The following ELK3 variants were observed in gnomAD, a reference collection of about 807,000 sequenced individuals.
ELK3 encodes ETS transcription factor ELK3, also known as ETS domain-containing protein Elk-3.
ELK3 carries 10 observed loss-of-function variants against 28.9 expected under a neutral mutation model. That is an observed-to-expected ratio of 0.35 (90% CI 0.21 to 0.59). ELK3 has a LOEUF of 0.59. ELK3 is among the 20% of genes least tolerant of loss of function. ELK3 has a pLI of 0.82. For missense variants in ELK3, 463 were observed against 517.3 expected (o/e 0.90, Z 1.02); for synonymous variants, 272 against 243.5 (o/e 1.12, Z -1.09).
chr12:96,249,544 C>T (rs1951887359), intron 3 of ELK3, among the ~76,000 whole-genome samples: 1 of 152,168 alleles, frequency 6.6e-6, no homozygotes, highest in African/African-American at 2.4e-5. Context: ...AGGGGAGTAT[C>T]TTGAGAGGCA....
chr12:96,215,312 A>G (rs1951604615), intron 1 of ELK3, among the ~76,000 whole-genome samples: 1 of 152,168 alleles, frequency 6.6e-6, no homozygotes, highest in African/African-American at 2.4e-5. Flanking sequence ...AAAACCTCAT[A>G]CTTTGCATAA....
At position 96,259,838 on chromosome 12, in the gene ELK3, A is replaced by G. The variant is rs887075440; in HGVS notation, c.1110A>G (p.Pro370=). 6 of 1,603,438 alleles carry G rather than the reference A, an allele frequency of 3.7e-6. No individual in the cohort carries two copies. Among genetic ancestry groups the G allele is most frequent in the Non-Finnish European group, 5.1e-6 (6 of 1,176,030 alleles). The change falls in exon 4 of 5, where the codon CCA becomes CCG. Residue 370 remains proline, a synonymous_variant. Transcript: ENST00000228741. ...APLSPARLQG[P]STLFQFPTLL... is the part of the protein sequence containing the mutation. Reference sequence around the variant, plus strand: ...TGAGTCCTGCCAGGCTGCAAGGGCCAAGCACGCTGTTCCAGGTGAGCGTTT... The same window carrying G: ...TGAGTCCTGCCAGGCTGCAAGGGCCGAGCACGCTGTTCCAGGTGAGCGTTT...
intron 3 of ELK3, among the ~76,000 whole-genome samples, chr12:96,255,100 G>A (rs1031047560): frequency 6.6e-6 from 1 of 152,138 alleles, no homozygotes; most frequent in Middle Eastern, 3.2e-3. Flanking sequence ...ATCTAAGGCT[G>A]TATGGTGGGA....
At chr12:96,239,217 C>T (rs1380840005) in intron 2 of ELK3, among the ~76,000 whole-genome samples, 1 of 152,092 alleles carries the variant, frequency 6.6e-6, no homozygotes, top group Non-Finnish European at 1.5e-5. Flanking sequence ...AATTTTTCTA[C>T]CTCCTTTTAT....
chr12:96,246,855 G>A (rs1951859672), intron 2 of ELK3, 85 bp from the exon 3 acceptor site: 2 of 1,396,044 alleles, frequency 1.4e-6, no homozygotes, highest in East Asian at 4.6e-5. Flanking sequence ...TGGTGCTTCT[G>A]CCAGCGACAT....
rs567919027 is a variant in ELK3, at chr12:96,205,376, G to A, written c.-3+10671G>A. On this transcript the variant is annotated intron_variant, in intron 1 of 4. Coordinates refer to ENST00000228741, the MANE Select transcript of ELK3 (RefSeq NM_005230.4). ...TGAAACCCTCTGGCAACTAGAATTC[G>A]TGAGCACTGGGAGGCAATTTATTTC... is the stretch of plus-strand genomic sequence containing the variant. Among the ~76,000 whole-genome samples, 16 of 152,288 alleles carry A rather than the reference G, an allele frequency of 1.1e-4. No individual in the cohort carries two copies. The South Asian group carries it at 2.9e-3, about 28-fold the overall frequency.
Position 96,247,322 on chromosome 12 carries a change from C to T in ELK3, c.590C>T (p.Pro197Leu), listed in dbSNP as rs376350812. Residue 197 changes from proline to leucine, a missense_variant, in exon 3 of 5, where the codon CCG becomes CTG. Coordinates refer to ENST00000228741, the MANE Select transcript of ELK3 (RefSeq NM_005230.4). The surrounding 1 kb of genome is among the most constrained non-coding windows in gnomAD (Gnocchi z 5.5). ...AAAACCGACAAGCACGTCACCAGGCCGGTGGTGTCCCTGCCTTCCACGTCA... is the reference window on the plus strand; with the variant it reads ...AAAACCGACAAGCACGTCACCAGGCTGGTGGTGTCCCTGCCTTCCACGTCA... Reference protein sequence around the residue: ...TNKTDKHVTRPVVSLPSTSEA... With the variant: ...TNKTDKHVTRLVVSLPSTSEA... 1.9e-5 allele frequency: 30 copies of T among 1,614,128 alleles called. No individual in the cohort carries two copies. The highest frequency in any genetic ancestry group is 6.7e-5 in the East Asian group (3 of 44,894).
chr12:96,233,101 G>A (rs1039963018), intron 2 of ELK3, among the ~76,000 whole-genome samples: 4 of 152,136 alleles, frequency 2.6e-5, no homozygotes, highest in African/African-American at 9.7e-5. Flanking sequence ...TTCTGGCCAG[G>A]TACCATGAAT....
chr12:96,267,032 T>TA, intron 4 of ELK3, 50 bp from the exon 5 acceptor site: 1 of 1,520,120 alleles, frequency 6.6e-7, no homozygotes, highest in Admixed American at 1.9e-5. Context: ...ACCTAAGTTC[T>TA]TCCCAATGGA....
At chr12:96,253,670 C>G (rs538874965) in intron 3 of ELK3, among the ~76,000 whole-genome samples, 103 of 152,340 alleles carry the variant, frequency 6.8e-4, no homozygotes, top group African/African-American at 2.2e-3. Flanking sequence ...GTGGGTACAA[C>G]CTGCTAGACA....
intron 2 of ELK3, among the ~76,000 whole-genome samples, chr12:96,234,509 G>A (rs897125522): frequency 1.3e-5 from 2 of 150,922 alleles, no homozygotes; most frequent in Non-Finnish European, 3.0e-5. Context: ...GTCCACCCAC[G>A]CCTCAGCTGC....
intron 2 of ELK3, among the ~76,000 whole-genome samples, chr12:96,239,808 A>T (rs538858509): frequency 4.2e-4 from 64 of 152,304 alleles, no homozygotes; most frequent in African/African-American, 1.4e-3. Flanking sequence ...TCTCCCTCCC[A>T]GTCTGGGCAG....
At chr12:96,230,087 A>T (rs140953824) in intron 2 of ELK3, among the ~76,000 whole-genome samples, 4 of 152,198 alleles carry the variant, frequency 2.6e-5, no homozygotes, top group Non-Finnish European at 5.9e-5. Flanking sequence ...CCATAAGACT[A>T]TAATTCCATA....
At chr12:96,251,919 T>C (rs1291813263) in intron 3 of ELK3, among the ~76,000 whole-genome samples, 1 of 152,246 alleles carries the variant, frequency 6.6e-6, no homozygotes, top group African/African-American at 2.4e-5. Flanking sequence ...CTAGCTACGC[T>C]CATTGATGAA....
intron 3 of ELK3, among the ~76,000 whole-genome samples, chr12:96,255,253 C>T (rs73223927): frequency 0.22 from 32,868 of 151,962 alleles, 4,426 homozygotes; most frequent in Middle Eastern, 0.33. Flanking sequence ...GCTAAACGTC[C>T]AGTCGGGGCC....
In ELK3 at chr12:96,267,086, C is replaced by T. The variant is rs1400748512; in HGVS notation, c.1130C>T (p.Pro377Leu). ...LQGPSTLFQF[P>L]TLLNGHMPVP... ...AAAATCTTTTGTCCCCTACAGTTCC[C>T]CACACTGCTTAATGGCCACATGCCA... Residue 377 changes from proline to leucine, a missense_variant, in exon 5 of 5, where the codon CCC becomes CTC. Pro to Leu is a moderately conservative substitution (Grantham distance 98). Coordinates refer to ENST00000228741, the MANE Select transcript of ELK3 (RefSeq NM_005230.4). 1.2e-6 allele frequency: 2 copies of T among 1,612,488 alleles called. No homozygotes were observed. Among genetic ancestry groups the T allele is most frequent in the Non-Finnish European group, 1.7e-6 (2 of 1,179,468 alleles).
In ELK3 at chr12:96,268,703, T is replaced by TA. The variant is rs1276555443; in HGVS notation, c.*1530dup. On this transcript the variant is annotated 3_prime_UTR_variant, in exon 5 of 5. Transcript: ENST00000228741. Reference sequence around the variant, plus strand: ...TAAGTGGCAGGATTATGAGAAAGGATAAAAAAAGAGATTTGAGAAAACACA... The same window carrying TA: ...TAAGTGGCAGGATTATGAGAAAGGATAAAAAAAAGAGATTTGAGAAAACACA... The TA allele has an allele frequency of 6.6e-6, 1 of 152,176 alleles. No homozygotes were observed. The highest frequency in any genetic ancestry group is 6.5e-5 in the Admixed American group (1 of 15,284). The allele number at this position is 152,176 out of a possible 1,614,324, so 9.4% of individuals were successfully genotyped here.
At chr12:96,265,077 T>C (rs1952020167) in intron 4 of ELK3, among the ~76,000 whole-genome samples, 1 of 151,932 alleles carries the variant, frequency 6.6e-6, no homozygotes, top group South Asian at 2.1e-4. Flanking sequence ...GAGGCATTGG[T>C]TGGAGATGTC....
At chr12:96,225,690 C>T (rs1322421123) in intron 2 of ELK3, among the ~76,000 whole-genome samples, 1 of 152,228 alleles carries the variant, frequency 6.6e-6, no homozygotes, top group Non-Finnish European at 1.5e-5. Flanking sequence ...CGGATTTGAA[C>T]CCAGCTGGTC....
Sources: gnomAD v4.1 joint callset for allele counts (sites outside exome capture counted in the v4.1 genomes callset) on GRCh38, gnomAD v4.1.1 for gene constraint, Gnocchi (gnomAD v3.1) non-coding constraint, MANE v1.5 for transcripts, NCBI Gene and HGNC (gene_info 2026-07-23, HGNC 2026-07-21) for gene names.